The following RIMS1 variants were observed in gnomAD, a reference collection of about 807,000 sequenced individuals.
RIMS1 encodes regulating synaptic membrane exocytosis 1.
A neutral mutation model predicts 214.1 loss-of-function variants in RIMS1; 83 were observed. The ratio of observed to expected loss-of-function variants is 0.39; its 90% CI spans 0.32 to 0.47. The LOEUF (loss-of-function observed/expected upper bound fraction) is 0.47. RIMS1 is among the 20% of genes least tolerant of loss of function. The pLI is 0.99. For synonymous variants in RIMS1, 793 were observed against 786.8 expected (o/e 1.01, Z -0.13); for missense variants, 2,050 against 2,161.8 (o/e 0.95, Z 1.03).
At chr6:72,185,088 C>G (rs12663970) in intron 6 of RIMS1, among the ~76,000 whole-genome samples, 40,375 of 152,034 alleles carry the variant, frequency 0.27, 6,136 homozygotes, top group Non-Finnish European at 0.34. Flanking sequence ...ATGCCCCTAG[C>G]TACCCAGAAC....
intron 4 of RIMS1, among the ~76,000 whole-genome samples, chr6:72,164,610 GT>G (rs2045999760): frequency 6.6e-6 from 1 of 152,088 alleles, no homozygotes; most frequent in South Asian, 2.1e-4. Flanking sequence ...TCTACTGATG[GT>G]TTGCAGCAGT....
intron 31 of RIMS1, among the ~76,000 whole-genome samples, chr6:72,395,419 G>A (rs2098762368): frequency 1.3e-5 from 2 of 152,004 alleles, no homozygotes; most frequent in South Asian, 4.1e-4. Flanking sequence ...TAAAAAACAT[G>A]ATGGAGAATT....
At chr6:72,115,520 AG>A (rs1296588095) in intron 4 of RIMS1, among the ~76,000 whole-genome samples, 1 of 151,950 alleles carries the variant, frequency 6.6e-6, no homozygotes, top group Non-Finnish European at 1.5e-5. Context: ...TGCATTAGAA[AG>A]TATTTGAGTA....
Position 72,263,680 on chromosome 6 carries a change from T to C in RIMS1, c.3117-1295T>C, listed in dbSNP as rs1461385645. 3.0e-6 allele frequency: 3 copies of C among 985,276 alleles called. No individual in the cohort carries two copies. In the African/African-American group the frequency reaches 5.2e-5, roughly 17 times the overall value. 61.0% of individuals were successfully genotyped at this position (985,276 alleles called of 1,614,324 possible). A position where few individuals can be genotyped will look rare whatever the true frequency, so the allele number is the denominator to read the frequency against. ...ACTGTCTAGAAAGGAGGCTAAATCC[T>C]TAGTTTCAGTAAAATTTGTCCTCAA... On this transcript the variant is annotated intron_variant, in intron 19 of 33. Coordinates refer to ENST00000521978, the MANE Select transcript of RIMS1 (RefSeq NM_014989.7).
chr6:72,257,273 AT>A (rs2076271511), intron 16 of RIMS1, among the ~76,000 whole-genome samples: 1 of 151,988 alleles, frequency 6.6e-6, no homozygotes, highest in South Asian at 2.1e-4. Flanking sequence ...TTGTGAAAAA[AT>A]TTTAAACTCT....
intron 29 of RIMS1, among the ~76,000 whole-genome samples, chr6:72,367,068 G>A (rs572240692): frequency 3.6e-4 from 55 of 152,132 alleles, no homozygotes; most frequent in African/African-American, 1.3e-3. Flanking sequence ...ATTATGCAGT[G>A]GACGAAATAA....
intron 6 of RIMS1, among the ~76,000 whole-genome samples, chr6:72,213,707 A>G (rs564956339): frequency 1.3e-5 from 2 of 152,316 alleles, no homozygotes; most frequent in African/African-American, 2.4e-5. Context: ...TTTTAAAATA[A>G]TGGTTCCTGG....
At chr6:72,271,374 A>G (rs2083302202) in intron 22 of RIMS1, among the ~76,000 whole-genome samples, 1 of 149,880 alleles carries the variant, frequency 6.7e-6, no homozygotes, top group South Asian at 2.1e-4. Flanking sequence ...TTTAAGGACT[A>G]AAGTTATTAA....
chr6:71,967,746 G>GT (rs746911381), intron 1 of RIMS1, among the ~76,000 whole-genome samples: 1 of 152,172 alleles, frequency 6.6e-6, no homozygotes, highest in Non-Finnish European at 1.5e-5. Context: ...GTGTGTTGAG[G>GT]TTTTGAAATA....
rs754868576 is a variant in RIMS1 at position 72,274,317 on chromosome 6, G to GT, written c.3399-26dup. 46 of 1,522,180 alleles carry GT rather than the reference G, an allele frequency of 3.0e-5. 2 individuals carry two copies. In the Middle Eastern group the frequency reaches 5.5e-4, roughly 18 times the overall value. The allele number at this position is 1,522,180 out of a possible 1,614,324, so 94.3% of individuals were successfully genotyped here. A position where few individuals can be genotyped will look rare whatever the true frequency, so the allele number is the denominator to read the frequency against. ...TATTTTAGGAGTTACTAAATGTCCT[G>GT]TTTTTTCCTGTCTTGTTCACTGGGC... is the stretch of plus-strand genomic sequence containing the variant. On this transcript the variant is annotated intron_variant, in intron 22 of 33. Transcript: ENST00000521978.
At chr6:72,183,275 T>C (rs566586352) in intron 6 of RIMS1, 126 bp downstream of exon 6, 1 of 812,854 alleles carries the variant, frequency 1.2e-6, no homozygotes, top group Admixed American at 2.8e-5. Context: ...TAAGATAGCG[T>C]TACCGCCAGT....
intron 2 of RIMS1, among the ~76,000 whole-genome samples, chr6:72,093,986 T>G (rs2030201080): frequency 6.6e-6 from 1 of 152,208 alleles, no homozygotes; most frequent in East Asian, 1.9e-4. Context: ...CTTTGAGAAT[T>G]TGCATACTTT....
chr6:72,096,007 G>T (rs2153802568), intron 2 of RIMS1, among the ~76,000 whole-genome samples: 2 of 152,302 alleles, frequency 1.3e-5, no homozygotes, highest in South Asian at 4.1e-4. Flanking sequence ...GGATGTTCTT[G>T]TGTTCTATTC....
intron 1 of RIMS1, among the ~76,000 whole-genome samples, chr6:71,950,835 CT>C (rs34312614): frequency 6.6e-6 from 1 of 151,946 alleles, no homozygotes; most frequent in African/African-American, 2.4e-5. Context: ...ACATGACTTT[CT>C]TTTTAAATTG....
chr6:71,938,399 C>T (rs1785077496), intron 1 of RIMS1, among the ~76,000 whole-genome samples: 1 of 152,230 alleles, frequency 6.6e-6, no homozygotes, highest in African/African-American at 2.4e-5. Context: ...TAGGGGCTCT[C>T]TGTCATGGCC....
chr6:71,896,223 G>A (rs373413427), intron 1 of RIMS1, among the ~76,000 whole-genome samples: 3 of 152,118 alleles, frequency 2.0e-5, no homozygotes, highest in South Asian at 2.1e-4. Flanking sequence ...GTGTAATTTT[G>A]AAAAATAAAA....
intron 4 of RIMS1, among the ~76,000 whole-genome samples, chr6:72,110,070 T>G (rs2035717282): frequency 1.3e-5 from 2 of 152,200 alleles, no homozygotes. Flanking sequence ...TATCTCTGTT[T>G]TGGTACCAGT....
chr6:71,974,848 C>G (rs1583900061), intron 2 of RIMS1, among the ~76,000 whole-genome samples: 2 of 152,080 alleles, frequency 1.3e-5, no homozygotes, highest in Non-Finnish European at 2.9e-5. Context: ...TCAGGAGAGA[C>G]TTAGAAAAGA....
chr6:72,355,526 GTGT>G (rs1335945392), intron 29 of RIMS1, among the ~76,000 whole-genome samples: 1 of 152,056 alleles, frequency 6.6e-6, no homozygotes, highest in Non-Finnish European at 1.5e-5. Context: ...AAGGCGAATT[GTGT>G]TATTATTCCT....
Sources: allele counts gnomAD v4.1 joint callset (sites outside exome capture counted in the v4.1 genomes callset), GRCh38; gene constraint gnomAD v4.1.1; transcripts MANE v1.5; gene names NCBI Gene and HGNC (gene_info 2026-07-23, HGNC 2026-07-21).